CCDC39: variants seen among roughly 807,000 people sequenced by gnomAD.
CCDC39 encodes coiled-coil domain 39 molecular ruler complex subunit.
A neutral mutation model predicts 121.0 loss-of-function variants in CCDC39; 113 were observed. That is an observed-to-expected ratio of 0.93 (90% CI 0.80 to 1.09). CCDC39 has a LOEUF of 1.09. Ranked by LOEUF, CCDC39 falls within the 50% of genes least tolerant of loss-of-function variation. The pLI is 0.00. For missense variants in CCDC39, 1,063 were observed against 1,074.7 expected (o/e 0.99, Z 0.15); for synonymous variants, 349 against 352.2 (o/e 0.99, Z 0.10).
intron 14 of CCDC39, among the ~76,000 whole-genome samples, chr3:180,620,240 C>G (rs900989558): frequency 1.3e-5 from 2 of 151,472 alleles, no homozygotes; most frequent in Non-Finnish European, 2.9e-5. Flanking sequence ...AAATTTCCAG[C>G]AAAAATTGCC....
intron 13 of CCDC39, among the ~76,000 whole-genome samples, chr3:180,639,722 A>G (rs1717911601): frequency 6.6e-6 from 1 of 152,096 alleles, no homozygotes; most frequent in Non-Finnish European, 1.5e-5. Context: ...CTCAGAAATT[A>G]CTGCTAAAGA....
At position 180,679,046 on chromosome 3, in the gene CCDC39, G is replaced by C. The variant is rs947653047; in HGVS notation, c.90+245C>G. On this transcript the variant is annotated intron_variant, in intron 1 of 19. Coordinates refer to ENST00000476379, the MANE Select transcript of CCDC39 (RefSeq NM_181426.2). The surrounding 1 kb of genome is among the most constrained non-coding windows in gnomAD (Gnocchi z 4.0). The stretch of plus-strand genomic sequence containing the variant: ...AGTAAGAGGAGTGGGCATGAGGAAG[G>C]GAGTAATAATTCGAGCTTTATAACC... Among the ~76,000 whole-genome samples the C allele has an allele frequency of 6.6e-6, 1 of 152,072 alleles. No homozygotes were observed. The highest frequency in any genetic ancestry group is 1.5e-5 in the Non-Finnish European group (1 of 68,008).
intron 1 of CCDC39, among the ~76,000 whole-genome samples, chr3:180,664,759 G>A (rs1378983664): frequency 6.6e-6 from 1 of 150,738 alleles, no homozygotes; most frequent in Non-Finnish European, 1.5e-5. Context: ...GCAGTGGCGC[G>A]ATCTCGGCTC....
intron 1 of CCDC39, among the ~76,000 whole-genome samples, chr3:180,666,142 CCT>C (rs1225860961): frequency 6.6e-6 from 1 of 152,078 alleles, no homozygotes; most frequent in Non-Finnish European, 1.5e-5. Flanking sequence ...CCTCTCAGCC[CCT>C]GACATCCACC....
intron 11 of CCDC39, among the ~76,000 whole-genome samples, chr3:180,646,658 T>C (rs1001306898): frequency 6.6e-6 from 1 of 152,112 alleles, no homozygotes; most frequent in Admixed American, 6.5e-5. Flanking sequence ...TTATTTGTTA[T>C]GGCAGTTAAT....
intron 7 of CCDC39, 23 bp from the exon 8 acceptor site, chr3:180,652,289 A>G: frequency 7.7e-7 from 1 of 1,301,756 alleles, no homozygotes; most frequent in Non-Finnish European, 1.1e-6. Context: ...TAACAGACAG[A>G]AATTATATAT....
At chr3:180,624,849 C>A (rs925768768) in intron 14 of CCDC39, among the ~76,000 whole-genome samples, 1 of 152,020 alleles carries the variant, frequency 6.6e-6, no homozygotes, top group African/African-American at 2.4e-5. Flanking sequence ...CTGTCCCATT[C>A]TTTTCTGTCC....
At position 180,619,974 on chromosome 3, in the gene CCDC39, T is replaced by C. The variant is rs1342997828; in HGVS notation, c.1999-4A>G. The C allele has an allele frequency of 6.3e-7, 1 of 1,599,168 alleles. No homozygotes were observed. The highest frequency in any genetic ancestry group is 8.5e-7 in the Non-Finnish European group (1 of 1,172,166). On this transcript the variant is annotated splice_region_variant and splice_polypyrimidine_tract_variant and intron_variant, in intron 14 of 19. Coordinates refer to ENST00000476379, the MANE Select transcript of CCDC39 (RefSeq NM_181426.2). ...GTTCTTCTTTTTCTTGAGCAGCCTA[T>C]GAAGTACAGAATAGAACTGGTTGAA...
intron 6 of CCDC39, among the ~76,000 whole-genome samples, chr3:180,656,803 T>C (rs1298730441): frequency 6.6e-6 from 1 of 152,206 alleles, no homozygotes; most frequent in Non-Finnish European, 1.5e-5. Flanking sequence ...TTATGATGCA[T>C]TAGTCTGCTA....
At chr3:180,639,126 A>G (rs1717897100) in intron 13 of CCDC39, among the ~76,000 whole-genome samples, 1 of 152,150 alleles carries the variant, frequency 6.6e-6, no homozygotes, top group Non-Finnish European at 1.5e-5. Context: ...AACAAGAGAA[A>G]GCCAGGGTCA....
rs751580884 is a variant in CCDC39 at position 180,634,316 on chromosome 3, C to T, written c.1875-2724G>A. 3.4e-4 allele frequency among the ~76,000 whole-genome samples: 52 copies of T among 152,252 alleles called. 1 individual carries two copies. Among genetic ancestry groups the T allele is most frequent in the African/African-American group, 1.1e-3 (46 of 41,542 alleles). On this transcript the variant is annotated intron_variant, in intron 13 of 19. Coordinates refer to ENST00000476379, the MANE Select transcript of CCDC39 (RefSeq NM_181426.2). The stretch of plus-strand genomic sequence containing the variant: ...GAGCAGAGACCCTAAGTGCCTCATC[C>T]GTATTTGCAACAAGCTGCAATCCAC...
At chr3:180,662,917 A>C (rs796100059) in intron 2 of CCDC39, among the ~76,000 whole-genome samples, 14 of 152,288 alleles carry the variant, frequency 9.2e-5, no homozygotes, top group African/African-American at 3.4e-4. Flanking sequence ...CTTTAAAAAA[A>C]CTAGTTTGAG....
intron 14 of CCDC39, among the ~76,000 whole-genome samples, chr3:180,621,931 A>G (rs1717440967): frequency 6.6e-6 from 1 of 151,990 alleles, no homozygotes; most frequent in African/African-American, 2.4e-5. Context: ...TTGCATGTGA[A>G]TTTTAGGATT....
At chr3:180,630,027 G>T (rs1206706270) in intron 14 of CCDC39, among the ~76,000 whole-genome samples, 1 of 152,086 alleles carries the variant, frequency 6.6e-6, no homozygotes, top group Non-Finnish European at 1.5e-5. Context: ...CCCAACAAAA[G>T]TAACAATATT....
At chr3:180,642,353 GTT>G (rs367561135) in intron 12 of CCDC39, among the ~76,000 whole-genome samples, 152 bp from the exon 13 acceptor site, 8 of 145,524 alleles carry the variant, frequency 5.5e-5, no homozygotes, top group African/African-American at 1.8e-4. Flanking sequence ...ATTGATCATA[GTT>G]TTTTTTTTTC....
In CCDC39 at chr3:180,614,143, T is replaced by G. The variant is rs1717127085; in HGVS notation, c.*778A>C. On this transcript the variant is annotated 3_prime_UTR_variant, in exon 20 of 20. Coordinates refer to ENST00000476379, the MANE Select transcript of CCDC39 (RefSeq NM_181426.2). ...CTACATTTGGCAGTCTACCTCCAACTGTAAATGAAATTTCTATTGCAAATC... is the reference window on the plus strand; with the variant it reads ...CTACATTTGGCAGTCTACCTCCAACGGTAAATGAAATTTCTATTGCAAATC... 5.9e-6 allele frequency: 1 copy of G among 168,806 alleles called. No individual in the cohort carries two copies. The highest frequency in any genetic ancestry group is 1.3e-4 in the South Asian group (1 of 7,510). The allele number at this position is 168,806 out of a possible 1,614,324, so 10.5% of individuals were successfully genotyped here.
At position 180,642,169 on chromosome 3, in the gene CCDC39, A is replaced by G. The variant is rs1374301198; in HGVS notation, c.1698T>C (p.Leu566=). Residue 566 remains leucine, a synonymous_variant, in exon 13 of 20, where the codon CTT becomes CTC. Transcript: ENST00000476379. ...DLMIEDNLLK[L]EVKRTREMLH... ...GCATTTCTCGAGTACGCTTAACTTC[A>G]AGTTTTAAAAGATTGTCCTCTATCA... The G allele has an allele frequency of 1.9e-6, 3 of 1,606,650 alleles. No individual in the cohort carries two copies. Among genetic ancestry groups the G allele is most frequent in the South Asian group, 1.1e-5 (1 of 89,842 alleles).
At position 180,659,214 on chromosome 3, in the gene CCDC39, T is replaced by G. The variant is rs143112921; in HGVS notation, c.738+238A>C. ...AACAGTATCTACTGACTCTTTCTTG[T>G]TCCGCAATTCTGAGATGACAGGATC... On this transcript the variant is annotated intron_variant, in intron 6 of 19. Coordinates refer to ENST00000476379, the MANE Select transcript of CCDC39 (RefSeq NM_181426.2). 7.2e-5 allele frequency among the ~76,000 whole-genome samples: 11 copies of G among 152,332 alleles called. No homozygotes were observed. In the East Asian group the frequency reaches 2.1e-3, roughly 29 times the overall value.
chr3:180,654,353 A>G (rs748018820), intron 7 of CCDC39, among the ~76,000 whole-genome samples: 1 of 151,874 alleles, frequency 6.6e-6, no homozygotes, highest in Non-Finnish European at 1.5e-5. Flanking sequence ...AAGAAAACAC[A>G]GGAGAAAAGC....
Sources: allele counts gnomAD v4.1 joint callset (sites outside exome capture counted in the v4.1 genomes callset), GRCh38; gene constraint gnomAD v4.1.1; non-coding constraint Gnocchi (gnomAD v3.1); transcripts MANE v1.5; gene names NCBI Gene and HGNC (gene_info 2026-07-23, HGNC 2026-07-21).